Variants in UPB1 observed in about 807,000 individuals in gnomAD.
UPB1 encodes the protein beta-ureidopropionase.
In UPB1, 40 loss-of-function variants were observed where a neutral mutation model predicts 49.1. The ratio of observed to expected loss-of-function variants is 0.81; its 90% CI spans 0.63 to 1.06. UPB1 has a LOEUF of 1.06. UPB1 is among the 50% of genes least tolerant of loss of function. The probability of loss-of-function intolerance (pLI) is 0.00; values close to 1 mark genes in which losing one functional copy is unlikely to be tolerated. For missense variants in UPB1, 499 were observed against 505.9 expected (o/e 0.99, Z 0.13); for synonymous variants, 207 against 198.2 (o/e 1.04, Z -0.38).
intron 5 of UPB1, 150 bp from the exon 6 acceptor site, chr22:24,515,051 T>A: frequency 2.6e-5 from 27 of 1,054,176 alleles, no homozygotes; most frequent in Non-Finnish European, 3.8e-5. Context: ...TTGTGTGTGT[T>A]TTGTTTTTAT....
chr22:24,511,616 A>ATTTT (rs758257120), intron 4 of UPB1, among the ~76,000 whole-genome samples: 2,530 of 124,744 alleles, frequency 0.02, 37 homozygotes, highest in Non-Finnish European at 0.027. Flanking sequence ...ATATATATAT[A>ATTTT]TATTTTTTTT....
chr22:24,517,823 G>A (rs1340867228), intron 6 of UPB1, among the ~76,000 whole-genome samples: 1 of 152,148 alleles, frequency 6.6e-6, no homozygotes, highest in Non-Finnish European at 1.5e-5. Context: ...CATGCCCTTT[G>A]GCCTGATAAT....
At chr22:24,519,447 T>A (rs1040907856) in intron 6 of UPB1, among the ~76,000 whole-genome samples, 2 of 152,112 alleles carry the variant, frequency 1.3e-5, no homozygotes, top group African/African-American at 4.8e-5. Context: ...CCCACTAGAT[T>A]CCATGTCATA....
chr22:24,517,332 T>C (rs2044314526), intron 6 of UPB1, among the ~76,000 whole-genome samples: 1 of 152,188 alleles, frequency 6.6e-6, no homozygotes, highest in Non-Finnish European at 1.5e-5. Flanking sequence ...TAGCATTCAT[T>C]GGTGGTTGTC....
intron 3 of UPB1, chr22:24,502,649 T>C: frequency 1.5e-6 from 1 of 654,798 alleles, no homozygotes; most frequent in Non-Finnish European, 2.7e-6. Context: ...GCTCATGGTT[T>C]AGAGTCAGAT....
rs745662558 is a variant in UPB1, at chr22:24,526,276, A to T, written c.*482A>T. On this transcript the variant is annotated 3_prime_UTR_variant, in exon 10 of 10. Transcript: ENST00000326010. ...CCACAGTCACCAGTAATTCAATCAGACACTAATCTAGGTATTTCTGTGAAG... is the reference window on the plus strand; with the variant it reads ...CCACAGTCACCAGTAATTCAATCAGTCACTAATCTAGGTATTTCTGTGAAG... 11 of 242,260 alleles carry T rather than the reference A, an allele frequency of 4.5e-5. No homozygotes were observed. The highest frequency in any genetic ancestry group is 8.3e-5 in the Non-Finnish European group (10 of 120,386). The allele number at this position is 242,260 out of a possible 1,614,324, so 15.0% of individuals were successfully genotyped here. A position where few individuals can be genotyped will look rare whatever the true frequency, so the allele number is the denominator to read the frequency against.
intron 3 of UPB1, among the ~76,000 whole-genome samples, chr22:24,509,361 G>GAAAAAAAAA (rs202081655): frequency 5.4e-5 from 5 of 92,166 alleles, no homozygotes; most frequent in South Asian, 4.5e-4. Flanking sequence ...CCTACTGTTT[G>GAAAAAAAAA]AAAAAAAAAA....
chr22:24,497,608 G>A (rs1438851861), intron 1 of UPB1, among the ~76,000 whole-genome samples: 2 of 151,562 alleles, frequency 1.3e-5, no homozygotes, highest in Non-Finnish European at 3.0e-5. Context: ...AGCCCTGAGT[G>A]GGGAGGCCTC....
intron 7 of UPB1, among the ~76,000 whole-genome samples, 166 bp downstream of exon 7, chr22:24,520,634 T>A (rs1481016925): frequency 6.6e-6 from 1 of 152,186 alleles, no homozygotes; most frequent in Non-Finnish European, 1.5e-5. Flanking sequence ...TTTTTTCTGT[T>A]TTTGTATTTG....
chr22:24,507,305 C>A (rs1227671942), intron 3 of UPB1, among the ~76,000 whole-genome samples: 2 of 152,116 alleles, frequency 1.3e-5, no homozygotes, highest in Admixed American at 6.5e-5. Flanking sequence ...GCCTGGGGAG[C>A]CTTGAGCCTG....
intron 1 of UPB1, among the ~76,000 whole-genome samples, chr22:24,497,248 A>G (rs898574506): frequency 1.3e-5 from 2 of 152,240 alleles, no homozygotes; most frequent in East Asian, 3.8e-4. Context: ...GGAAAGAGAC[A>G]TAAAACATTG....
rs758145305 is a variant in UPB1, at chr22:24,522,050, G to A, written c.916+22G>A. ...AAAGGTATGTCCCATGAACCATGGT[G>A]GCTGCAGTTGAGGAGTGGGCCTTCC... On this transcript the variant is annotated intron_variant, in intron 8 of 9. Coordinates refer to ENST00000326010, the MANE Select transcript of UPB1 (RefSeq NM_016327.3). The A allele has an allele frequency of 2.5e-6, 4 of 1,613,140 alleles. No individual in the cohort carries two copies. In the East Asian group the frequency reaches 6.7e-5, roughly 27 times the overall value.
Position 24,515,255 on chromosome 22 carries a change from G to A in UPB1, c.676G>A (p.Gly226Arg), listed in dbSNP as rs147133523. 72 of 1,614,060 alleles carry A rather than the reference G, an allele frequency of 4.5e-5. No homozygotes were observed. Among genetic ancestry groups the A allele is most frequent in the South Asian group, 1.9e-4 (17 of 91,082 alleles). Residue 226 changes from glycine (G) to arginine (R), a missense_variant, in exon 6 of 10, where the codon GGA (glycine) becomes AGA (arginine). Physicochemically the swap from Gly to Arg is moderately radical, Grantham distance 125. Coordinates refer to ENST00000326010, the MANE Select transcript of UPB1 (RefSeq NM_016327.3). ...LGHPVFQTQF[G>R]RIAVNICYGR... Reference sequence around the variant, plus strand: ...CCACCCCGTGTTCCAGACGCAGTTCGGAAGGATCGCGGTGAACATTTGCTA... The same window carrying A: ...CCACCCCGTGTTCCAGACGCAGTTCAGAAGGATCGCGGTGAACATTTGCTA...
intron 3 of UPB1, among the ~76,000 whole-genome samples, chr22:24,510,249 A>C (rs1020505123): frequency 6.6e-6 from 1 of 151,934 alleles, no homozygotes; most frequent in African/African-American, 2.4e-5. Flanking sequence ...AAAAAAAAAA[A>C]ATTTGACTAC....
Position 24,520,446 on chromosome 22 carries a change from G to T in UPB1, c.851G>T (p.Cys284Phe), listed in dbSNP as rs536740508. Residue 284 changes from cysteine to phenylalanine, a missense_variant, in exon 7 of 10, where the codon TGC becomes TTC. By Grantham distance (205) the Cys-to-Phe change is radical. Coordinates refer to ENST00000326010, the MANE Select transcript of UPB1 (RefSeq NM_016327.3). ...GCCATTGCCAATCACTGCTTCACCT[G>T]CGCCATCAATCGAGTGGGCACCGTA... The part of the protein sequence containing the change: ...NAAIANHCFT[C>F]AINRVGTEHF... 2 of 1,614,162 alleles carry T rather than the reference G, an allele frequency of 1.2e-6. No individual in the cohort carries two copies. Among genetic ancestry groups the T allele is most frequent in the East Asian group, 4.5e-5 (2 of 44,886 alleles).
chr22:24,515,151 A>C (rs759971779), intron 5 of UPB1, 50 bp from the exon 6 acceptor site: 4 of 1,611,952 alleles, frequency 2.5e-6, no homozygotes, highest in African/African-American at 2.7e-5. Flanking sequence ...GCTGAGTCTA[A>C]GGAAATCTTG....
chr22:24,510,655 A>T (rs1233793774), intron 3 of UPB1, 94 bp from the exon 4 acceptor site: 1 of 1,319,010 alleles, frequency 7.6e-7, no homozygotes, highest in African/African-American at 1.4e-5. Context: ...CTGAGACTGT[A>T]TTCTTTTGCA....
intron 3 of UPB1, among the ~76,000 whole-genome samples, chr22:24,506,467 T>C (rs1231147643): frequency 1.3e-5 from 2 of 152,238 alleles, no homozygotes; most frequent in African/African-American, 4.8e-5. Context: ...CTCAGTTTTC[T>C]CTGATCTGCT....
chr22:24,519,812 G>C (rs2044355773), intron 6 of UPB1: 1 of 174,204 alleles, frequency 5.7e-6, no homozygotes, highest in Admixed American at 5.5e-5. Flanking sequence ...TAGCAGAGTA[G>C]GAGAGTTAGG....
Sources: gnomAD v4.1 joint callset for allele counts (sites outside exome capture counted in the v4.1 genomes callset) on GRCh38, gnomAD v4.1.1 for gene constraint, MANE v1.5 for transcripts, NCBI Gene and HGNC (gene_info 2026-07-23, HGNC 2026-07-21) for gene names.